Variants in NAA10 observed in about 807,000 individuals in gnomAD.
The protein encoded by NAA10 is N-alpha-acetyltransferase 10.
In NAA10, 6 loss-of-function variants were observed where a neutral mutation model predicts 19.2. The observed-to-expected ratio is 0.31, with a 90% confidence interval of 0.17 to 0.62. The LOEUF (loss-of-function observed/expected upper bound fraction) is 0.62. Ranked by LOEUF, NAA10 falls within the 20% of genes least tolerant of loss-of-function variation. NAA10 has a pLI of 0.83. For missense variants in NAA10, 101 were observed against 198.4 expected, an observed-to-expected ratio of 0.51 and a Z score of 2.95; for synonymous variants, 97 against 79.9, an observed-to-expected ratio of 1.21 and a Z score of -1.14.
rs2065190037 is a variant in NAA10, at chrX:153,935,007, G to A, written c.-103C>T. 1.2e-5 allele frequency: 9 copies of A among 777,426 alleles called. No individual in the cohort carries two copies. Among genetic ancestry groups the A allele is most frequent in the Non-Finnish European group, 1.4e-5 (9 of 626,009 alleles). 64.1% of individuals were successfully genotyped at this position (777,426 alleles called of 1,213,427 possible). ...GACGGCCGGGGCTGGGACCGGAGCT[G>A]GGCTCGCTGGGCGACGGCGGAAGGG... On this transcript the variant is annotated 5_prime_UTR_variant, in exon 1 of 8. Coordinates refer to ENST00000464845, the MANE Select transcript of NAA10 (RefSeq NM_003491.4).
rs1357324889 is a variant in NAA10, at chrX:153,932,057, C to A, written c.386+14G>T. ...ATCAACCCCAGCCCATTAGAAAAAT[C>A]GAGATCTACTTACTGAAAGTTGAGG... is the stretch of plus-strand genomic sequence containing the variant. On this transcript the variant is annotated intron_variant, in intron 6 of 7. Coordinates refer to ENST00000464845, the MANE Select transcript of NAA10 (RefSeq NM_003491.4). The A allele has an allele frequency of 8.3e-7, 1 of 1,211,804 alleles. No homozygotes were observed. Among genetic ancestry groups the A allele is most frequent in the Non-Finnish European group, 1.1e-6 (1 of 895,515 alleles).
intron 3 of NAA10, chrX:153,933,683 GTAA>G: frequency 5.2e-5 from 15 of 288,275 alleles, no homozygotes; most frequent in South Asian, 8.1e-5. Flanking sequence ...AATAATAATA[GTAA>G]TAATAATAAT....
chrX:153,930,906 C>A (rs1271041406), intron 6 of NAA10, 59 bp from the exon 7 acceptor site: 2 of 1,209,461 alleles, frequency 1.7e-6, no homozygotes, highest in Non-Finnish European at 2.2e-6. Flanking sequence ...ACACCCTCCT[C>A]CACTCCTGGT....
chrX:153,934,908 G>C lies in NAA10; in HGVS notation c.-4C>G. The C allele has an allele frequency of 2.0e-6, 2 of 1,006,874 alleles. No homozygotes were observed. Among genetic ancestry groups the C allele is most frequent in the Non-Finnish European group, 1.3e-6 (1 of 787,795 alleles). The allele number at this position is 1,006,874 out of a possible 1,213,427, so 83.0% of individuals were successfully genotyped here. A position where few individuals can be genotyped will look rare whatever the true frequency, so the allele number is the denominator to read the frequency against. On this transcript the variant is annotated 5_prime_UTR_variant, in exon 1 of 8. Coordinates refer to ENST00000464845, the MANE Select transcript of NAA10 (RefSeq NM_003491.4). ...CCCTCGCATTGCGGATGTTCATAAC[G>C]GCGGCGGGGCTCGCGGGTCCCAGCG...
chrX:153,931,044 C>G, intron 6 of NAA10, 197 bp from the exon 7 acceptor site: 1 of 1,144,551 alleles, frequency 8.7e-7, no homozygotes, highest in Non-Finnish European at 1.2e-6. Context: ...CCGCCCCACC[C>G]GTCCTGCCCC....
chrX:153,930,135 G>C lies in NAA10; in HGVS notation c.560C>G (p.Pro187Arg). 8.3e-7 allele frequency: 1 copy of C among 1,211,559 alleles called. No homozygotes were observed. Among genetic ancestry groups the C allele is most frequent in the Non-Finnish European group, 1.1e-6 (1 of 895,435 alleles). ...ENKVESKGNS[P>R]PSSGEACREE... The stretch of plus-strand genomic sequence containing the variant: ...GCGACAGGCCTCTCCTGAGCTCGGA[G>C]GTGAATTGCCTTTGCTCTCCACCTT... The change falls in exon 8 of 8, where the codon CCT becomes CGT. Residue 187 changes from proline (P) to arginine (R), a missense_variant. By Grantham distance (103) the Pro-to-Arg change is moderately radical. Transcript: ENST00000464845.
intron 1 of NAA10, 59 bp downstream of exon 1, chrX:153,934,825 G>T (rs1359395695): frequency 2.1e-6 from 2 of 962,383 alleles, no homozygotes; most frequent in Non-Finnish European, 2.6e-6. Context: ...GAGCATGCGC[G>T]GCAGCCACCC....
rs782269341 is a variant in NAA10 at position 153,930,114 on chromosome X, C to G, written c.581G>C (p.Cys194Ser). 1 of 1,211,411 alleles carries G rather than the reference C, an allele frequency of 8.3e-7. No homozygotes were observed. Among genetic ancestry groups the G allele is most frequent in the South Asian group, 1.8e-5 (1 of 56,927 alleles). ...GNSPPSSGEA[C>S]REEKGLAAED... ...GGCAGCCAGGCCCTTCTCCTCGCGA[C>G]AGGCCTCTCCTGAGCTCGGAGGTGA... Residue 194 changes from cysteine (C) to serine (S), a missense_variant, in exon 8 of 8, where the codon TGT becomes TCT. Transcript: ENST00000464845.
At position 153,934,934 on chromosome X, in the gene NAA10, G is replaced by C; in HGVS notation, c.-30C>G. Reference sequence around the variant, plus strand: ...GCGGCGGGGCTCGCGGGTCCCAGCGGATCGTGAAGGCGCAGTCAGCTGCCG... The same window carrying C: ...GCGGCGGGGCTCGCGGGTCCCAGCGCATCGTGAAGGCGCAGTCAGCTGCCG... On this transcript the variant is annotated 5_prime_UTR_variant, in exon 1 of 8. The change creates a new upstream start codon in the 5' untranslated region. Coordinates refer to ENST00000464845, the MANE Select transcript of NAA10 (RefSeq NM_003491.4). 1 of 995,371 alleles carries C rather than the reference G, an allele frequency of 1.0e-6. No homozygotes were observed. The highest frequency in any genetic ancestry group is 1.3e-6 in the Non-Finnish European group (1 of 780,909). 82.0% of individuals were successfully genotyped at this position (995,371 alleles called of 1,213,427 possible).
chrX:153,929,883 AAC>A lies in NAA10; in HGVS notation c.*102_*103del, dbSNP rs1557107083. The stretch of plus-strand genomic sequence containing the variant: ...ACATCCCCACCAGAGGACCTGGAGA[AAC>A]ACACCCTCTAAATGTGCGCGCGCTC... On this transcript the variant is annotated 3_prime_UTR_variant, in exon 8 of 8. Coordinates refer to ENST00000464845, the MANE Select transcript of NAA10 (RefSeq NM_003491.4). 6 of 687,785 alleles carry A rather than the reference AAC, an allele frequency of 8.7e-6. No individual in the cohort carries two copies. The highest frequency in any genetic ancestry group is 1.4e-5 in the Non-Finnish European group (6 of 430,800). The allele number at this position is 687,785 out of a possible 1,213,427, so 56.7% of individuals were successfully genotyped here.
Position 153,932,817 on chromosome X carries a change from C to T in NAA10, c.180-233G>A, listed in dbSNP as rs781915136. ...CTATAGTTCCAGCTACTTGGCAGGCCGGGGCAAGAGGACTGCTTGAGCCCA... is the reference window on the plus strand; with the variant it reads ...CTATAGTTCCAGCTACTTGGCAGGCTGGGGCAAGAGGACTGCTTGAGCCCA... On this transcript the variant is annotated intron_variant, in intron 3 of 7. Transcript: ENST00000464845. The T allele has an allele frequency of 1.3e-4, 57 of 434,931 alleles. No individual in the cohort carries two copies. The South Asian group carries it at 1.8e-3, about 13-fold the overall frequency. The allele number at this position is 434,931 out of a possible 1,213,427, so 35.8% of individuals were successfully genotyped here. A position where few individuals can be genotyped will look rare whatever the true frequency, so the allele number is the denominator to read the frequency against.
chrX:153,929,818 C>T lies in NAA10; in HGVS notation c.*169G>A, dbSNP rs1291828941. The T allele has an allele frequency of 8.5e-6, 4 of 470,687 alleles. No homozygotes were observed. Among genetic ancestry groups the T allele is most frequent in the Non-Finnish European group, 1.5e-5 (4 of 269,571 alleles). 38.8% of individuals were successfully genotyped at this position (470,687 alleles called of 1,213,427 possible). ...ACCTCCAAAGCTCTTTCCTTGTACT[C>T]GGGCCTGGCAGGATGCTCTGGGTCA... is the stretch of plus-strand genomic sequence containing the variant. On this transcript the variant is annotated 3_prime_UTR_variant, in exon 8 of 8. Transcript: ENST00000464845.
chrX:153,934,576 G>A, intron 1 of NAA10, 101 bp from the exon 2 acceptor site: 1 of 694,981 alleles, frequency 1.4e-6, no homozygotes, highest in Non-Finnish European at 2.2e-6. Context: ...CGCTCCCTCG[G>A]GGCTGGGCAG....
At chrX:153,933,247 G>A (rs186018846) in intron 3 of NAA10, among the ~76,000 whole-genome samples, 1 of 112,148 alleles carries the variant, frequency 8.9e-6, no homozygotes, top group Non-Finnish European at 1.9e-5. Flanking sequence ...GGAGAGGGAG[G>A]GATGAATGCG....
intron 3 of NAA10, chrX:153,933,599 G>C (rs1423414353): frequency 2.2e-5 from 3 of 137,711 alleles, no homozygotes; most frequent in Admixed American, 8.1e-5. Flanking sequence ...TTGAACCCAG[G>C]GGGTGGAGGT....
chrX:153,934,674 G>T, intron 1 of NAA10, 199 bp from the exon 2 acceptor site: 1 of 566,745 alleles, frequency 1.8e-6, no homozygotes, highest in Non-Finnish European at 2.9e-6. Flanking sequence ...ACCCAACGGA[G>T]GCCCGACATC....
At chrX:153,931,548 T>C in intron 6 of NAA10, 1 of 814,072 alleles carries the variant, frequency 1.2e-6, no homozygotes, top group South Asian at 4.7e-5. Flanking sequence ...CACTGTCTAC[T>C]GGGCATGCCA....
intron 3 of NAA10, 84 bp downstream of exon 3, chrX:153,933,859 G>A (rs182979893): frequency 2.3e-6 from 2 of 856,979 alleles, no homozygotes; most frequent in Non-Finnish European, 3.4e-6. Context: ...GTACTGAAAA[G>A]AAGAAGCCTA....
At chrX:153,931,495 C>T (rs1427028280) in intron 6 of NAA10, 36 of 801,565 alleles carry the variant, frequency 4.5e-5, no homozygotes, top group Non-Finnish European at 4.9e-5. Flanking sequence ...TAGTGTCCCT[C>T]CACAGGCAGC....
Sources: gnomAD v4.1 joint callset for allele counts (sites outside exome capture counted in the v4.1 genomes callset) on GRCh38, gnomAD v4.1.1 for gene constraint, MANE v1.5 for transcripts, NCBI Gene and HGNC (gene_info 2026-07-23, HGNC 2026-07-21) for gene names.